Variants in ZNRF1 observed in about 807,000 individuals in gnomAD.
ZNRF1 encodes the protein zinc and ring finger 1, also known as E3 ubiquitin-protein ligase ZNRF1.
Under a neutral mutation model 18.4 loss-of-function variants are expected in ZNRF1, and 3 were observed. The ratio of observed to expected loss-of-function variants is 0.16; its 90% CI spans 0.07 to 0.42. The LOEUF (loss-of-function observed/expected upper bound fraction) is 0.42, where lower values mean the gene tolerates loss of function less well. Ranked by LOEUF, ZNRF1 falls within the 10% of genes least tolerant of loss-of-function variation. The pLI is 0.99. For missense variants in ZNRF1, 310 were observed against 329.8 expected (o/e 0.94, Z 0.47); for synonymous variants, 157 against 144.2 (o/e 1.09, Z -0.64).
intron 2 of ZNRF1, chr16:75,095,639 AC>A: frequency 6.5e-7 from 1 of 1,550,036 alleles, no homozygotes. Flanking sequence ...GCCTGAGAAA[AC>A]CTGGCTCTCA....
intron 1 of ZNRF1, among the ~76,000 whole-genome samples, chr16:75,029,109 C>T (rs1298381856): frequency 1.4e-5 from 2 of 147,712 alleles, no homozygotes; most frequent in Non-Finnish European, 3.0e-5. Flanking sequence ...TCCAGCTTGA[C>T]TGCAGTCTTG....
At position 75,054,816 on chromosome 16, in the gene ZNRF1, A is replaced by G. The variant is rs549622399; in HGVS notation, c.425-38756A>G. On this transcript the variant is annotated intron_variant, in intron 1 of 4. Transcript: ENST00000335325. ...GGAATGTGGGAATTGCTCCATGGCA[A>G]TGGTGCTTTGGCCTTCACTGCCCAC... 5.3e-5 allele frequency among the ~76,000 whole-genome samples: 8 copies of G among 152,322 alleles called. No homozygotes were observed. In the South Asian group the frequency reaches 6.2e-4, roughly 12 times the overall value.
chr16:75,056,022 T>A (rs1352132224), intron 1 of ZNRF1, among the ~76,000 whole-genome samples: 3 of 152,218 alleles, frequency 2.0e-5, no homozygotes, highest in African/African-American at 7.2e-5. Context: ...CATGTTGTAT[T>A]TCTATGTAAT....
intron 1 of ZNRF1, among the ~76,000 whole-genome samples, chr16:75,057,566 C>T (rs973790596): frequency 6.6e-6 from 1 of 152,150 alleles, no homozygotes; most frequent in African/African-American, 2.4e-5. Context: ...GCCTCAGGAT[C>T]GTCATAACAG....
At chr16:75,075,078 CTG>C (rs537999906) in intron 1 of ZNRF1, among the ~76,000 whole-genome samples, 4 of 105,766 alleles carry the variant, frequency 3.8e-5, no homozygotes, top group Non-Finnish European at 7.1e-5. Context: ...CCCCCTATCT[CTG>C]GGCACTTCCA....
chr16:75,030,833 C>CTTTTTTTTTTTTTT (rs59468839), intron 1 of ZNRF1, among the ~76,000 whole-genome samples: 1 of 91,380 alleles, frequency 1.1e-5, no homozygotes. Context: ...CACTTTATTC[C>CTTTTTTTTTTTTTT]TTTTTTTTTT....
intron 1 of ZNRF1, among the ~76,000 whole-genome samples, chr16:75,023,050 G>A (rs2035174555): frequency 6.6e-6 from 1 of 152,114 alleles, no homozygotes. Context: ...TGTTGAATAC[G>A]CTTTGGGGAA....
At chr16:75,006,733 GC>G (rs2034923279) in intron 1 of ZNRF1, among the ~76,000 whole-genome samples, 1 of 152,162 alleles carries the variant, frequency 6.6e-6, no homozygotes, top group Non-Finnish European at 1.5e-5. Flanking sequence ...ACCGTGCCTG[GC>G]CACCTCAGTC....
At chr16:75,016,250 T>A (rs2035066382) in intron 1 of ZNRF1, among the ~76,000 whole-genome samples, 1 of 151,170 alleles carries the variant, frequency 6.6e-6, no homozygotes, top group African/African-American at 2.4e-5. Flanking sequence ...TTTATTTTTT[T>A]ATTTTTGAGA....
intron 1 of ZNRF1, among the ~76,000 whole-genome samples, chr16:75,075,221 T>A (rs1161144797): frequency 1.3e-5 from 2 of 152,204 alleles, no homozygotes; most frequent in Non-Finnish European, 2.9e-5. Context: ...AGGGCTGACC[T>A]TTTTCCTGCC....
At chr16:75,053,134 GGCTTTATC>G (rs2035626344) in intron 1 of ZNRF1, among the ~76,000 whole-genome samples, 2 of 152,156 alleles carry the variant, frequency 1.3e-5, no homozygotes, top group East Asian at 3.9e-4. Context: ...AAATCTAGGG[GGCTTTATC>G]TCACTTCCCA....
chr16:75,003,102 C>A (rs1310948699), intron 1 of ZNRF1, among the ~76,000 whole-genome samples: 1 of 152,036 alleles, frequency 6.6e-6, no homozygotes, highest in African/African-American at 2.4e-5. Context: ...TACTGGCATG[C>A]GCCACCATGC....
chr16:75,078,795 G>C (rs1372100667), intron 1 of ZNRF1, among the ~76,000 whole-genome samples: 2 of 152,218 alleles, frequency 1.3e-5, no homozygotes, highest in Non-Finnish European at 2.9e-5. Flanking sequence ...GACCAATACA[G>C]ATATTGCTTC....
intron 2 of ZNRF1, among the ~76,000 whole-genome samples, chr16:75,096,061 C>CGTGTGTGTGTGTGTGT (rs56013949): frequency 0.019 from 2,694 of 139,540 alleles, 51 homozygotes; most frequent in African/African-American, 0.036. Flanking sequence ...TATGTGTGCA[C>CGTGTGTGTGTGTGTGT]GTGTGTGTGT....
Position 75,030,519 on chromosome 16 carries a change from C to G in ZNRF1, c.424+30424C>G, listed in dbSNP as rs923605188. On this transcript the variant is annotated intron_variant, in intron 1 of 4. Transcript: ENST00000335325. The stretch of plus-strand genomic sequence containing the variant: ...AAATGTAGTTGGAAATCTTACTGAC[C>G]TTGCATTGGGCAGTAGTTTCTTAAA... Among the ~76,000 whole-genome samples, 5 of 152,134 alleles carry G rather than the reference C, an allele frequency of 3.3e-5. No individual in the cohort carries two copies. In the East Asian group the frequency reaches 9.7e-4, roughly 29 times the overall value.
intron 1 of ZNRF1, among the ~76,000 whole-genome samples, chr16:75,028,006 G>GTA (rs2035249590): frequency 6.6e-6 from 1 of 152,116 alleles, no homozygotes; most frequent in South Asian, 2.1e-4. Flanking sequence ...CCACGTGCTT[G>GTA]TATATCTGCC....
intron 2 of ZNRF1, among the ~76,000 whole-genome samples, chr16:75,094,517 C>T (rs1482376265): frequency 6.6e-6 from 1 of 152,172 alleles, no homozygotes; most frequent in Non-Finnish European, 1.5e-5. Context: ...CTCAGCTTAG[C>T]GGAGCCTCAG....
intron 1 of ZNRF1, among the ~76,000 whole-genome samples, chr16:75,047,327 C>T (rs908173185): frequency 4.6e-5 from 7 of 152,146 alleles, no homozygotes; most frequent in East Asian, 1.9e-4. Flanking sequence ...TGCATGCCAC[C>T]ATGCCCAGCT....
chr16:75,093,930 C>T (rs1471326180), intron 2 of ZNRF1, among the ~76,000 whole-genome samples: 1 of 152,146 alleles, frequency 6.6e-6, no homozygotes, highest in Admixed American at 6.5e-5. Context: ...TCAGTTAGGC[C>T]CCTGCCTCTC....
Sources: gnomAD v4.1 joint callset for allele counts (sites outside exome capture counted in the v4.1 genomes callset) on GRCh38, gnomAD v4.1.1 for gene constraint, MANE v1.5 for transcripts, NCBI Gene and HGNC (gene_info 2026-07-23, HGNC 2026-07-21) for gene names.